The following ARSG variants were observed in gnomAD, a reference collection of about 807,000 sequenced individuals.
ARSG encodes ASG.
ARSG carries 37 observed loss-of-function variants against 50.5 expected under a neutral mutation model. That is an observed-to-expected ratio of 0.73 (90% CI 0.56 to 0.96). ARSG has a LOEUF of 0.96. Ranked by LOEUF, ARSG falls within the 50% of genes least tolerant of loss-of-function variation. The pLI is 0.00. For synonymous variants in ARSG, 225 were observed against 254.6 expected (o/e 0.88, Z 1.11); for missense variants, 629 against 675.3 (o/e 0.93, Z 0.76).
At chr17:68,282,179 G>A (rs1343275692) in intron 1 of ARSG, among the ~76,000 whole-genome samples, 1 of 152,088 alleles carries the variant, frequency 6.6e-6, no homozygotes, top group Admixed American at 6.6e-5. Context: ...CCATAAAAAA[G>A]GATGAGTTCA....
At chr17:68,334,001 C>T (rs2077903285) in intron 2 of ARSG, among the ~76,000 whole-genome samples, 1 of 152,164 alleles carries the variant, frequency 6.6e-6, no homozygotes, top group East Asian at 1.9e-4. Context: ...TGCAGTGTTT[C>T]TTCTAGCCTC....
At chr17:68,391,441 C>T (rs1460393427) in intron 9 of ARSG, among the ~76,000 whole-genome samples, 1 of 152,152 alleles carries the variant, frequency 6.6e-6, no homozygotes, top group Non-Finnish European at 1.5e-5. Flanking sequence ...AAGTTCTTGC[C>T]AAAGTCTGAG....
chr17:68,274,128 A>G (rs2075434649), intron 1 of ARSG: 13 of 1,568,056 alleles, frequency 8.3e-6, no homozygotes, highest in South Asian at 7.9e-5. Context: ...GTTAGCTGCC[A>G]TAAGACTCCT....
chr17:68,451,021 C>A, the ARSG span: 6 of 1,340,608 alleles, frequency 4.5e-6, no homozygotes, highest in Non-Finnish European at 5.0e-6. Context: ...GCCGGCCAGG[C>A]GCCCTCTCTG....
At chr17:68,295,920 T>A (rs1391036831) in intron 1 of ARSG, among the ~76,000 whole-genome samples, 1 of 151,998 alleles carries the variant, frequency 6.6e-6, no homozygotes, top group Non-Finnish European at 1.5e-5. Flanking sequence ...CCTCAGGTGA[T>A]CCACCCACCT....
chr17:68,426,020 G>A (rs1322968031), downstream of ARSG: 3 of 1,450,160 alleles, frequency 2.1e-6, no homozygotes, highest in Admixed American at 3.4e-5. Flanking sequence ...TGAGGCGAAG[G>A]TTTCCTTCTA....
chr17:68,362,364 C>G (rs2079331950), intron 6 of ARSG, among the ~76,000 whole-genome samples: 1 of 152,028 alleles, frequency 6.6e-6, no homozygotes, highest in Admixed American at 6.6e-5. Context: ...AGACGGATCT[C>G]TAGTGAGTGA....
At chr17:68,405,992 C>A (rs539058139) in intron 11 of ARSG, among the ~76,000 whole-genome samples, 1 of 152,246 alleles carries the variant, frequency 6.6e-6, no homozygotes, top group East Asian at 1.9e-4. Context: ...ACCCATCACC[C>A]AAGCAGTATA....
At chr17:68,370,310 G>A (rs1197452884) in intron 7 of ARSG, 134 bp from the exon 8 acceptor site, 8 of 697,158 alleles carry the variant, frequency 1.1e-5, no homozygotes, top group Non-Finnish European at 1.4e-5. Context: ...CACTGCACTA[G>A]GCCCATGTTT....
At chr17:68,278,645 A>C (rs2075602063) in intron 1 of ARSG, among the ~76,000 whole-genome samples, 1 of 125,868 alleles carries the variant, frequency 7.9e-6, no homozygotes, top group African/African-American at 3.1e-5. Context: ...TTTGAGACAG[A>C]GTCTCACTCT....
rs1242723260 is a variant in ARSG, at chr17:68,381,981, GTC to G, written c.983-3079_983-3078del. Among the ~76,000 whole-genome samples, 1 of 143,472 alleles carries G rather than the reference GTC, an allele frequency of 7.0e-6. No homozygotes were observed. Among genetic ancestry groups the G allele is most frequent in the African/African-American group, 2.6e-5 (1 of 38,710 alleles). 94.1% of individuals were successfully genotyped at this position (143,472 alleles called of 152,430 possible). A position where few individuals can be genotyped will look rare whatever the true frequency, so the allele number is the denominator to read the frequency against. ...CTTTCCTTTTTTTTTTTTTGACAGA[GTC>G]TCTGTCGTGCAGGCTGGAGTGAAGT... On this transcript the variant is annotated intron_variant, in intron 8 of 11. Coordinates refer to ENST00000621439, the MANE Select transcript of ARSG (RefSeq NM_001267727.2). The surrounding 1 kb of genome is among the most constrained non-coding windows in gnomAD (Gnocchi z 4.1).
At chr17:68,333,308 C>T (rs2077861914) in intron 2 of ARSG, among the ~76,000 whole-genome samples, 1 of 143,176 alleles carries the variant, frequency 7.0e-6, no homozygotes, top group Non-Finnish European at 1.5e-5. Context: ...GGCGACAGAG[C>T]GAGACTCCGT....
downstream of ARSG, chr17:68,421,671 C>G: frequency 1.3e-6 from 2 of 1,531,478 alleles, no homozygotes; most frequent in East Asian, 2.3e-5. Context: ...ATTCCTGCCC[C>G]CCTTTCTGCT....
chr17:68,260,272 T>A (rs2075052005), intron 1 of ARSG, among the ~76,000 whole-genome samples: 1 of 152,204 alleles, frequency 6.6e-6, no homozygotes, highest in Non-Finnish European at 1.5e-5. Context: ...CTCCCTAATG[T>A]TGAGTTATTC....
At chr17:68,310,664 C>G (rs1444353119) in intron 2 of ARSG, among the ~76,000 whole-genome samples, 1 of 152,184 alleles carries the variant, frequency 6.6e-6, no homozygotes, top group South Asian at 2.1e-4. Flanking sequence ...CATTTCAGCT[C>G]ACCGCTTAGG....
intron 11 of ARSG, among the ~76,000 whole-genome samples, chr17:68,407,452 A>G (rs1035067809): frequency 2.0e-5 from 3 of 152,266 alleles, no homozygotes; most frequent in East Asian, 1.9e-4. Context: ...TTTTAGCAGT[A>G]TGGTCATTTT....
the ARSG span, among the ~76,000 whole-genome samples, chr17:68,435,206 C>CAAA: frequency 1.9e-3 from 262 of 139,194 alleles, 1 homozygote; most frequent in African/African-American, 6.6e-3. Context: ...GACTCCACCT[C>CAAA]AAAAAAAAAA....
chr17:68,443,583 A>G, the ARSG span, among the ~76,000 whole-genome samples: 1 of 152,318 alleles, frequency 6.6e-6, no homozygotes, highest in Non-Finnish European at 1.5e-5. Flanking sequence ...TTTAATTCTC[A>G]GCCAACCCTG....
At chr17:68,341,277 T>G (rs930631147) in intron 2 of ARSG, among the ~76,000 whole-genome samples, 1 of 152,204 alleles carries the variant, frequency 6.6e-6, no homozygotes, top group African/African-American at 2.4e-5. Context: ...AATTATAGGG[T>G]CTGCTTGTTT....
Sources: gnomAD v4.1 joint callset for allele counts (sites outside exome capture counted in the v4.1 genomes callset) on GRCh38, gnomAD v4.1.1 for gene constraint, Gnocchi (gnomAD v3.1) non-coding constraint, MANE v1.5 for transcripts, NCBI Gene and HGNC (gene_info 2026-07-23, HGNC 2026-07-21) for gene names.